Variants in OPCML observed in about 807,000 individuals in gnomAD.
The protein encoded by OPCML is opioid binding protein/cell adhesion molecule like, also known as opioid-binding protein/cell adhesion molecule.
A neutral mutation model predicts 37.8 loss-of-function variants in OPCML; 13 were observed. The observed-to-expected ratio is 0.34, with a 90% CI of 0.22 to 0.55. OPCML has a LOEUF of 0.55. OPCML is among the 20% of genes least tolerant of loss of function. The pLI, the probability that OPCML is intolerant of heterozygous loss-of-function variation, is 0.91. For missense variants in OPCML, 341 were observed against 435.6 expected, an observed-to-expected ratio of 0.78 and a Z score of 1.93; for synonymous variants, 176 against 168.8, an observed-to-expected ratio of 1.04 and a Z score of -0.33.
At chr11:133,172,759 A>G (rs1442509891) in intron 1 of OPCML, among the ~76,000 whole-genome samples, 1 of 152,232 alleles carries the variant, frequency 6.6e-6, no homozygotes, top group Non-Finnish European at 1.5e-5. Flanking sequence ...CCAAAAAACA[A>G]TATATAATTC....
intron 1 of OPCML, among the ~76,000 whole-genome samples, chr11:133,141,072 A>C (rs1472866167): frequency 2.5e-5 from 3 of 119,288 alleles, no homozygotes; most frequent in Non-Finnish European, 5.5e-5. Context: ...AAGAAGAAGA[A>C]GAAGAAGAAG....
intron 3 of OPCML, among the ~76,000 whole-genome samples, chr11:132,558,356 TCTCC>T (rs1332577199): frequency 3.4e-4 from 5 of 14,760 alleles, no homozygotes; most frequent in African/African-American, 1.3e-3. Flanking sequence ...CCTCCTCCCC[TCTCC>T]CCCTCCTCCT....
chr11:132,633,608 C>G (rs1050415706), intron 3 of OPCML, among the ~76,000 whole-genome samples: 2 of 152,114 alleles, frequency 1.3e-5, no homozygotes, highest in African/African-American at 4.8e-5. Flanking sequence ...CACAGGACAT[C>G]TGTTGGAAGG....
intron 1 of OPCML, among the ~76,000 whole-genome samples, chr11:133,125,005 A>C (rs1949478464): frequency 6.6e-6 from 1 of 152,142 alleles, no homozygotes; most frequent in African/African-American, 2.4e-5. Flanking sequence ...TTGGGAATTC[A>C]TACAAATAAG....
chr11:133,172,005 T>C (rs1261804989), intron 1 of OPCML, among the ~76,000 whole-genome samples: 1 of 152,192 alleles, frequency 6.6e-6, no homozygotes, highest in African/African-American at 2.4e-5. Context: ...GGCTGCTTAT[T>C]TGAATACATA....
At chr11:132,724,513 T>C (rs1465577737) in intron 2 of OPCML, among the ~76,000 whole-genome samples, 3 of 152,032 alleles carry the variant, frequency 2.0e-5, no homozygotes, top group African/African-American at 4.8e-5. Context: ...GAGATTTGGG[T>C]GGGGACACAG....
intron 4 of OPCML, among the ~76,000 whole-genome samples, chr11:132,438,254 C>T (rs1298499668): frequency 6.6e-6 from 1 of 152,218 alleles, no homozygotes. Flanking sequence ...TGTCTTCCAT[C>T]ACAAATGTTC....
At chr11:132,997,214 T>C (rs947249581) in intron 1 of OPCML, among the ~76,000 whole-genome samples, 4 of 152,172 alleles carry the variant, frequency 2.6e-5, no homozygotes, top group African/African-American at 9.7e-5. Context: ...TATCTGCACA[T>C]GAGTCACACA....
At chr11:133,033,523 G>A (rs563181697) in intron 1 of OPCML, among the ~76,000 whole-genome samples, 11 of 152,300 alleles carry the variant, frequency 7.2e-5, no homozygotes, top group South Asian at 2.1e-4. Flanking sequence ...GAAGAAAATT[G>A]TATATAAATA....
chr11:132,535,858 T>G (rs1270535317), intron 3 of OPCML, among the ~76,000 whole-genome samples: 2 of 152,210 alleles, frequency 1.3e-5, no homozygotes, highest in African/African-American at 4.8e-5. Flanking sequence ...GGTAAAACTC[T>G]GAGCTCAATC....
At chr11:132,986,338 G>A (rs949276688) in intron 1 of OPCML, among the ~76,000 whole-genome samples, 4 of 151,944 alleles carry the variant, frequency 2.6e-5, no homozygotes, top group Non-Finnish European at 5.9e-5. Flanking sequence ...AAACAATCTG[G>A]ATATGAAAGA....
At chr11:132,777,656 G>T (rs934144844) in intron 2 of OPCML, among the ~76,000 whole-genome samples, 2 of 152,042 alleles carry the variant, frequency 1.3e-5, no homozygotes, top group Non-Finnish European at 2.9e-5. Flanking sequence ...AAAATTCAGC[G>T]CCAAAAAGAT....
At chr11:133,253,234 C>T (rs992028230) in intron 1 of OPCML, among the ~76,000 whole-genome samples, 4 of 151,840 alleles carry the variant, frequency 2.6e-5, no homozygotes, top group African/African-American at 4.8e-5. Context: ...GAAATGACCA[C>T]GTGATTAATG....
At chr11:132,725,901 A>T (rs575316553) in intron 2 of OPCML, among the ~76,000 whole-genome samples, 1 of 152,324 alleles carries the variant, frequency 6.6e-6, no homozygotes, top group African/African-American at 2.4e-5. Context: ...TTGCTAAAAC[A>T]TAACAAGAGT....
At chr11:132,662,828 G>A (rs1942042600) in intron 2 of OPCML, among the ~76,000 whole-genome samples, 1 of 152,164 alleles carries the variant, frequency 6.6e-6, no homozygotes, top group African/African-American at 2.4e-5. Flanking sequence ...ATAGCTGCAG[G>A]GACATTTAAG....
intron 4 of OPCML, among the ~76,000 whole-genome samples, chr11:132,526,949 C>G (rs1275380792): frequency 4.6e-5 from 7 of 151,968 alleles, no homozygotes; most frequent in African/African-American, 1.7e-4. Context: ...TTAGTTTTTC[C>G]TATTATAGGA....
chr11:133,331,271 T>C (rs1212513010), intron 1 of OPCML, among the ~76,000 whole-genome samples: 1 of 152,168 alleles, frequency 6.6e-6, no homozygotes, highest in African/African-American at 2.4e-5. Flanking sequence ...GAGGAAGAAT[T>C]GGCTGTGGGC....
intron 2 of OPCML, among the ~76,000 whole-genome samples, chr11:132,895,847 A>T (rs1486290413): frequency 6.6e-6 from 1 of 152,030 alleles, no homozygotes. Flanking sequence ...ACTAGACTTG[A>T]GTCCCAGCAG....
At chr11:132,442,036 T>C (rs961143009) in intron 4 of OPCML, among the ~76,000 whole-genome samples, 3 of 152,212 alleles carry the variant, frequency 2.0e-5, no homozygotes, top group African/African-American at 7.2e-5. Flanking sequence ...GGCTCTGACC[T>C]CACTGCACTT....
Sources: gnomAD v4.1 joint callset for allele counts (sites outside exome capture counted in the v4.1 genomes callset) on GRCh38, gnomAD v4.1.1 for gene constraint, MANE v1.5 for transcripts, NCBI Gene and HGNC (gene_info 2026-07-23, HGNC 2026-07-21) for gene names.